The following SPPL3 variants were observed in gnomAD, a reference collection of about 807,000 sequenced individuals.
SPPL3 encodes the protein signal peptide peptidase-like 3.
Under a neutral mutation model 42.4 loss-of-function variants are expected in SPPL3, and 5 were observed. The ratio of observed to expected loss-of-function variants is 0.12; its 90% CI spans 0.06 to 0.25. The LOEUF is 0.25. Among genes scored for constraint, SPPL3 ranks in the 10% least tolerant of loss-of-function variants. The probability of loss-of-function intolerance (pLI) is 1.00; values close to 1 mark genes in which losing one functional copy is unlikely to be tolerated. For missense variants in SPPL3, 235 were observed against 489.0 expected, an observed-to-expected ratio of 0.48 and a Z score of 4.90; for synonymous variants, 195 against 181.8, an observed-to-expected ratio of 1.07 and a Z score of -0.58.
chr12:120,846,506 A>G (rs186910450), intron 1 of SPPL3, among the ~76,000 whole-genome samples: 58 of 152,346 alleles, frequency 3.8e-4, no homozygotes, highest in Middle Eastern at 6.8e-3. Context: ...TAGTTACCTT[A>G]GAATTTTAGA....
intron 4 of SPPL3, chr12:120,784,197 C>T (rs2136979728): frequency 3.7e-6 from 1 of 269,702 alleles, no homozygotes; most frequent in Non-Finnish European, 7.0e-6. Context: ...ACAGCCAAAG[C>T]ACAGCAATAC....
chr12:120,765,237 C>A (rs1370736819), intron 10 of SPPL3, among the ~76,000 whole-genome samples, 167 bp from the exon 11 acceptor site: 2 of 151,414 alleles, frequency 1.3e-5, no homozygotes, highest in Non-Finnish European at 2.9e-5. Flanking sequence ...CCTCGACCTT[C>A]CAAAGTGCTA....
At chr12:120,772,057 C>T (rs141607978) in intron 6 of SPPL3, among the ~76,000 whole-genome samples, 2 of 152,054 alleles carry the variant, frequency 1.3e-5, no homozygotes, top group African/African-American at 2.4e-5. Context: ...GAGTTTTGCT[C>T]GTTGCCCAGG....
rs148576612 is a variant in SPPL3, at chr12:120,838,429, G to A, written c.24-27543C>T. 4.2e-3 allele frequency among the ~76,000 whole-genome samples: 632 copies of A among 152,270 alleles called. 8 individuals carry two copies. Among genetic ancestry groups the A allele is most frequent in the South Asian group, 0.015 (73 of 4,818 alleles). ...AACTGCGACCAAAAACAAGCACACA[G>A]CCAAGGCAGATCAATCAGGGGCCAA... On this transcript the variant is annotated intron_variant, in intron 1 of 10. Coordinates refer to ENST00000353487, the MANE Select transcript of SPPL3 (RefSeq NM_139015.5).
chr12:120,866,998 T>C lies in SPPL3; in HGVS notation c.23+36847A>G, dbSNP rs537269754. 2.2e-3 allele frequency among the ~76,000 whole-genome samples: 329 copies of C among 152,322 alleles called. 1 individual carries two copies. Among genetic ancestry groups the C allele is most frequent in the African/African-American group, 7.6e-3 (314 of 41,582 alleles). On this transcript the variant is annotated intron_variant, in intron 1 of 10. Coordinates refer to ENST00000353487, the MANE Select transcript of SPPL3 (RefSeq NM_139015.5). ...TAAAACATTAGTGCTTGAGTGATAA[T>C]CCATCCTAAGTCATGAGTCAGTCAT...
At chr12:120,832,418 T>C (rs1222377737) in intron 1 of SPPL3, among the ~76,000 whole-genome samples, 1 of 152,180 alleles carries the variant, frequency 6.6e-6, no homozygotes, top group Non-Finnish European at 1.5e-5. Flanking sequence ...ACACCTGTAA[T>C]CCCAGCACTT....
intron 1 of SPPL3, among the ~76,000 whole-genome samples, chr12:120,878,454 T>A (rs932283620): frequency 1.3e-5 from 2 of 152,166 alleles, no homozygotes; most frequent in African/African-American, 4.8e-5. Context: ...AATCAAGGGA[T>A]TGGGTCTCAA....
chr12:120,808,768 T>C (rs1304325850), intron 2 of SPPL3, among the ~76,000 whole-genome samples: 1 of 152,196 alleles, frequency 6.6e-6, no homozygotes, highest in Non-Finnish European at 1.5e-5. Context: ...ATTTCAACTA[T>C]GAAAATGTAT....
chr12:120,823,222 T>G (rs866945790), intron 1 of SPPL3, among the ~76,000 whole-genome samples: 230 of 106,386 alleles, frequency 2.2e-3, no homozygotes, highest in Non-Finnish European at 2.5e-3. Flanking sequence ...GGGTGGGGGG[T>G]GGGGGGGCGG....
intron 1 of SPPL3, among the ~76,000 whole-genome samples, chr12:120,899,767 C>T (rs1280030989): frequency 1.3e-5 from 2 of 151,178 alleles, no homozygotes; most frequent in Non-Finnish European, 2.9e-5. Flanking sequence ...GTGGTACACG[C>T]CTGTAATCCC....
chr12:120,903,856 C>T lies in SPPL3; in HGVS notation c.12G>A (p.Gln4=). 1 of 1,462,432 alleles carries T rather than the reference C, an allele frequency of 6.8e-7. No individual in the cohort carries two copies. The highest frequency in any genetic ancestry group is 9.0e-7 in the Non-Finnish European group (1 of 1,111,486). 90.6% of individuals were successfully genotyped at this position (1,462,432 alleles called of 1,614,324 possible). Residue 4 remains glutamine (Q), a synonymous_variant, in exon 1 of 11, where the codon CAG becomes CAA. Transcript: ENST00000353487. The part of the protein sequence containing the change: MAE[Q]TYSWAYSLVD... ...AGCCCCGCACTCACCACGAGTAGGT[C>T]TGCTCCGCCATGGCGCTGCCTCTCG...
At chr12:120,889,201 G>C (rs921809036) in intron 1 of SPPL3, among the ~76,000 whole-genome samples, 1 of 152,166 alleles carries the variant, frequency 6.6e-6, no homozygotes, top group African/African-American at 2.4e-5. Context: ...TCTATGAAAT[G>C]TGCCTATATG....
chr12:120,843,119 A>G (rs529710963), intron 1 of SPPL3, among the ~76,000 whole-genome samples: 2 of 152,292 alleles, frequency 1.3e-5, no homozygotes, highest in South Asian at 4.1e-4. Context: ...CAGTGTTCAC[A>G]GTGAACGGAT....
intron 2 of SPPL3, among the ~76,000 whole-genome samples, chr12:120,807,955 A>C (rs1870554887): frequency 1.3e-5 from 2 of 152,174 alleles, no homozygotes; most frequent in Admixed American, 6.5e-5. Context: ...TTAAATTATA[A>C]AAGATAAAAG....
chr12:120,841,348 A>G (rs1335957018), intron 1 of SPPL3, among the ~76,000 whole-genome samples: 1 of 152,068 alleles, frequency 6.6e-6, no homozygotes, highest in Non-Finnish European at 1.5e-5. Flanking sequence ...AAACAATGAG[A>G]TATACAATAC....
chr12:120,874,725 G>A (rs1179704374), intron 1 of SPPL3, among the ~76,000 whole-genome samples: 2 of 152,158 alleles, frequency 1.3e-5, no homozygotes, highest in East Asian at 3.9e-4. Flanking sequence ...GGGTGTGTGT[G>A]ATGTGGGGGA....
At chr12:120,833,890 G>A (rs1871522454) in intron 1 of SPPL3, among the ~76,000 whole-genome samples, 1 of 151,746 alleles carries the variant, frequency 6.6e-6, no homozygotes, top group Non-Finnish European at 1.5e-5. Flanking sequence ...TAAATGCGGG[G>A]CTACAGCTGA....
chr12:120,898,314 TA>T (rs869283065), intron 1 of SPPL3, among the ~76,000 whole-genome samples: 994 of 64,298 alleles, frequency 0.015, 7 homozygotes, highest in South Asian at 0.027. Flanking sequence ...TTTTTTTTTT[TA>T]AAAAAAAAAA....
intron 1 of SPPL3, among the ~76,000 whole-genome samples, chr12:120,865,940 A>G (rs73413874): frequency 0.035 from 5,399 of 152,246 alleles, 113 homozygotes; most frequent in South Asian, 0.066. Flanking sequence ...TTAGATTCTC[A>G]TAGGAGTGAG....
Sources: gnomAD v4.1 joint callset for allele counts (sites outside exome capture counted in the v4.1 genomes callset) on GRCh38, gnomAD v4.1.1 for gene constraint, MANE v1.5 for transcripts, NCBI Gene and HGNC (gene_info 2026-07-23, HGNC 2026-07-21) for gene names.